GRIN2A: variants seen among roughly 807,000 people sequenced by gnomAD.
GRIN2A encodes glutamate receptor ionotropic, NMDA 2A.
In GRIN2A, 22 loss-of-function variants were observed where a neutral mutation model predicts 113.4. That is an observed-to-expected ratio of 0.19 (90% CI 0.14 to 0.28). The LOEUF (loss-of-function observed/expected upper bound fraction) is 0.28. GRIN2A is among the 10% of genes least tolerant of loss of function. GRIN2A has a pLI of 1.00. For synonymous variants in GRIN2A, 827 were observed against 738.4 expected, an observed-to-expected ratio of 1.12 and a Z score of -1.94; for missense variants, 1,502 against 1,887.0, an observed-to-expected ratio of 0.80 and a Z score of 3.78.
intron 2 of GRIN2A, among the ~76,000 whole-genome samples, chr16:9,958,583 T>C (rs16966731): frequency 0.35 from 53,606 of 151,914 alleles, 9,731 homozygotes; most frequent in African/African-American, 0.43. Flanking sequence ...AGTCTGCAAA[T>C]TGGTACTAGG....
intron 4 of GRIN2A, among the ~76,000 whole-genome samples, chr16:9,873,874 T>C (rs113388765): frequency 0.031 from 4,738 of 152,324 alleles, 246 homozygotes; most frequent in African/African-American, 0.1. Context: ...AGCTATAATC[T>C]GCTGGACCAC....
rs184963888 is a variant in GRIN2A, at chr16:9,816,682, C to T, written c.2168+5582G>A. Reference sequence around the variant, plus strand: ...TTGTAAATCTAAATCTGTCTCCACTCATTTCAGCTTCAGCTCCCTCTTCTA... The same window carrying T: ...TTGTAAATCTAAATCTGTCTCCACTTATTTCAGCTTCAGCTCCCTCTTCTA... On this transcript the variant is annotated intron_variant, in intron 10 of 12. Coordinates refer to ENST00000330684, the MANE Select transcript of GRIN2A (RefSeq NM_001134407.3). 2.5e-3 allele frequency among the ~76,000 whole-genome samples: 380 copies of T among 152,318 alleles called. 1 individual carries two copies. The highest frequency in any genetic ancestry group is 8.6e-3 in the African/African-American group (358 of 41,564).
intron 5 of GRIN2A, among the ~76,000 whole-genome samples, chr16:9,849,531 A>G (rs2042841698): frequency 6.6e-6 from 1 of 152,044 alleles, no homozygotes; most frequent in African/African-American, 2.4e-5. Context: ...CAATGGGCAA[A>G]ACTACTCACC....
intron 10 of GRIN2A, among the ~76,000 whole-genome samples, chr16:9,815,413 C>CAAA (rs71157786): frequency 0.012 from 1,322 of 111,834 alleles, 24 homozygotes; most frequent in African/African-American, 0.038. Context: ...TAACAACAAC[C>CAAA]AAAAAAAAAA....
rs566136644 is a variant in GRIN2A, at chr16:9,856,392, G to A, written c.1123-6431C>T. Among the ~76,000 whole-genome samples the A allele has an allele frequency of 6.4e-4, 97 of 151,912 alleles. 1 individual carries two copies. Among genetic ancestry groups the A allele is most frequent in the Middle Eastern group, 3.4e-3 (1 of 294 alleles). ...TCCCAGCACTTTGGGAGGCTGAGGC[G>A]GGTAGATCACGAGGTCAGGAGATCG... On this transcript the variant is annotated intron_variant, in intron 4 of 12. Transcript: ENST00000330684.
At chr16:10,123,727 A>T (rs1460017060) in intron 2 of GRIN2A, among the ~76,000 whole-genome samples, 1 of 152,152 alleles carries the variant, frequency 6.6e-6, no homozygotes, top group Non-Finnish European at 1.5e-5. Context: ...ACTTTGAATG[A>T]TGAGATCTGT....
chr16:10,072,855 C>T (rs535100719), intron 2 of GRIN2A, among the ~76,000 whole-genome samples: 10 of 151,896 alleles, frequency 6.6e-5, no homozygotes, highest in African/African-American at 2.4e-4. Context: ...GTAGTCAAAG[C>T]CTATGGCTGG....
At chr16:10,112,860 G>GCTTACC in intron 2 of GRIN2A, 1 of 547,294 alleles carries the variant, frequency 1.8e-6, no homozygotes, top group Non-Finnish European at 3.5e-6. Flanking sequence ...TGGCCTGCAC[G>GCTTACC]CTTACCAGAA....
intron 3 of GRIN2A, among the ~76,000 whole-genome samples, chr16:9,914,264 C>T (rs1006486264): frequency 6.6e-6 from 1 of 152,158 alleles, no homozygotes; most frequent in Non-Finnish European, 1.5e-5. Context: ...TAAAACTTTA[C>T]AGAACTGCCA....
chr16:9,824,309 C>G (rs1296154332), intron 9 of GRIN2A, among the ~76,000 whole-genome samples: 1 of 152,192 alleles, frequency 6.6e-6, no homozygotes, highest in African/African-American at 2.4e-5. Context: ...AACTAATCAC[C>G]AAAAGCTCAA....
At chr16:9,949,749 G>GTGGA (rs930213365) in intron 2 of GRIN2A, among the ~76,000 whole-genome samples, 4 of 151,226 alleles carry the variant, frequency 2.6e-5, no homozygotes, top group South Asian at 2.1e-4. Context: ...GGGTGGGTGG[G>GTGGA]TGGATGGATG....
intron 3 of GRIN2A, among the ~76,000 whole-genome samples, chr16:9,891,604 T>C (rs945477423): frequency 6.6e-6 from 1 of 152,130 alleles, no homozygotes; most frequent in Non-Finnish European, 1.5e-5. Context: ...AGGGGGAGGA[T>C]AGTCATGAAT....
Position 9,890,970 on chromosome 16 carries a change from A to G in GRIN2A, c.1122+16T>C, listed in dbSNP as rs149886469. On this transcript the variant is annotated intron_variant, in intron 4 of 12. Transcript: ENST00000330684. ...TTCTTCCCTCCCCTGCATTCAGCACACAGAAGGATGCTCACCTTTTCCCAT... is the reference window on the plus strand; with the variant it reads ...TTCTTCCCTCCCCTGCATTCAGCACGCAGAAGGATGCTCACCTTTTCCCAT... 1 of 1,497,536 alleles carries G rather than the reference A, an allele frequency of 6.7e-7. No homozygotes were observed. The highest frequency in any genetic ancestry group is 1.4e-5 in the African/African-American group (1 of 72,686). 92.8% of individuals were successfully genotyped at this position (1,497,536 alleles called of 1,614,324 possible).
At chr16:10,170,705 C>T (rs753769191) in intron 2 of GRIN2A, among the ~76,000 whole-genome samples, 16 of 151,804 alleles carry the variant, frequency 1.1e-4, no homozygotes, top group Non-Finnish European at 1.8e-4. Flanking sequence ...GTGAGACCCC[C>T]GTCTCTACCA....
Position 9,798,284 on chromosome 16 carries a change from C to T in GRIN2A, c.2349G>A (p.Val783=). 1 of 1,613,826 alleles carries T rather than the reference C, an allele frequency of 6.2e-7. No individual in the cohort carries two copies. Among genetic ancestry groups the T allele is most frequent in the Non-Finnish European group, 8.5e-7 (1 of 1,179,852 alleles). ...RQIDLALLQF[V]GDGEMEELET... is the part of the protein sequence containing the mutation. The stretch of plus-strand genomic sequence containing the variant: ...GGTCACCCGGGGTCTTACCATCACC[C>T]ACAAACTGAAGCAAGGCCAGGTCGA... The change falls in exon 11 of 13, where the codon GTG becomes GTA. Residue 783 remains valine (V), a synonymous_variant. Transcript: ENST00000330684.
Position 9,757,272 on chromosome 16 carries a change from C to G in GRIN2A, c.*5877G>C, listed in dbSNP as rs1900384679. 9.2e-6 allele frequency: 2 copies of G among 216,986 alleles called. No individual in the cohort carries two copies. The highest frequency in any genetic ancestry group is 1.4e-4 in the East Asian group (2 of 14,748). 13.4% of individuals were successfully genotyped at this position (216,986 alleles called of 1,614,324 possible). On this transcript the variant is annotated 3_prime_UTR_variant, in exon 13 of 13. Transcript: ENST00000330684. ...TAGCAGCTCCTGGGTCTCCTAAGTC[C>G]ATTATTTGAAGATTAAAATAAATCA...
At chr16:10,119,683 G>A (rs945352321) in intron 2 of GRIN2A, among the ~76,000 whole-genome samples, 3 of 152,156 alleles carry the variant, frequency 2.0e-5, no homozygotes, top group African/African-American at 7.2e-5. Flanking sequence ...TGTCACACAG[G>A]TAATATGCAC....
At chr16:10,067,030 G>A (rs1252106796) in intron 2 of GRIN2A, among the ~76,000 whole-genome samples, 1 of 152,124 alleles carries the variant, frequency 6.6e-6, no homozygotes, top group Non-Finnish European at 1.5e-5. Context: ...ATAAATGAAT[G>A]AGCAAAAAAA....
chr16:10,081,559 A>C (rs929205253), intron 2 of GRIN2A, among the ~76,000 whole-genome samples: 2 of 152,232 alleles, frequency 1.3e-5, no homozygotes, highest in Non-Finnish European at 2.9e-5. Context: ...TAGCTCCATG[A>C]ACCCAGGGCA....
Sources: allele counts gnomAD v4.1 joint callset (sites outside exome capture counted in the v4.1 genomes callset), GRCh38; gene constraint gnomAD v4.1.1; transcripts MANE v1.5; gene names NCBI Gene and HGNC (gene_info 2026-07-23, HGNC 2026-07-21).